Variants in ZFPM1 observed in about 807,000 individuals in gnomAD.
The protein encoded by ZFPM1 is zinc finger protein ZFPM1.
In ZFPM1, 28 loss-of-function variants were observed where a neutral mutation model predicts 46.3. The ratio of observed to expected loss-of-function variants is 0.60; its 90% CI spans 0.45 to 0.83. The LOEUF (loss-of-function observed/expected upper bound fraction) is 0.83. ZFPM1 is among the 40% of genes least tolerant of loss of function. The pLI is 0.00. For synonymous variants in ZFPM1, 957 were observed against 675.9 expected (o/e 1.42, Z -6.45); for missense variants, 1,878 against 1,432.4 (o/e 1.31, Z -5.02).
At chr16:88,478,252 G>A (rs963552082) in intron 1 of ZFPM1, among the ~76,000 whole-genome samples, 7 of 152,220 alleles carry the variant, frequency 4.6e-5, no homozygotes, top group Admixed American at 2.6e-4. Flanking sequence ...GTGCTCCTGC[G>A]CTGGTTAGGG....
At chr16:88,486,187 G>A (rs922771042) in intron 2 of ZFPM1, 144 bp downstream of exon 2, 10 of 881,464 alleles carry the variant, frequency 1.1e-5, no homozygotes, top group Non-Finnish European at 1.7e-5. Flanking sequence ...CCAGCCAGAG[G>A]CCTGTTGCCC....
intron 1 of ZFPM1, among the ~76,000 whole-genome samples, chr16:88,455,132 G>GGGGTGTGTGT (rs1181672760): frequency 7.1e-6 from 1 of 141,674 alleles, no homozygotes; most frequent in African/African-American, 2.7e-5. Context: ...TCGGTTCTGG[G>GGGGTGTGTGT]GTGTGTGTGT....
chr16:88,527,046 C>A, intron 5 of ZFPM1, 130 bp downstream of exon 5: 1 of 1,407,756 alleles, frequency 7.1e-7, no homozygotes, highest in Non-Finnish European at 9.4e-7. Context: ...AGCTGCTGGC[C>A]CCGGGCGCTG....
chr16:88,482,841 A>T, intron 1 of ZFPM1, among the ~76,000 whole-genome samples: 1 of 152,146 alleles, frequency 6.6e-6, no homozygotes, highest in Non-Finnish European at 1.5e-5. Context: ...GGCTGAGCTG[A>T]TCGTTCCGCG....
intron 1 of ZFPM1, among the ~76,000 whole-genome samples, chr16:88,458,399 G>A (rs1907652290): frequency 6.6e-6 from 1 of 152,216 alleles, no homozygotes; most frequent in African/African-American, 2.4e-5. Context: ...ACTGCCGTCA[G>A]CCCCGCCAGC....
chr16:88,453,177 T>G (rs1029983472), upstream of ZFPM1: 2 of 106,766 alleles, frequency 1.9e-5, no homozygotes, highest in South Asian at 2.8e-4. Flanking sequence ...GCCGGAGAGG[T>G]GCAGGGCCCG....
intron 4 of ZFPM1, among the ~76,000 whole-genome samples, chr16:88,523,840 C>A (rs149701254): frequency 2.0e-3 from 307 of 152,332 alleles, no homozygotes; most frequent in African/African-American, 7.1e-3. Flanking sequence ...CCCTCCTTCC[C>A]CCTGCCCCTC....
chr16:88,536,752 C>G lies in ZFPM1; in HGVS notation c.*1773C>G, dbSNP rs1913261710. 1 of 152,308 alleles carries G rather than the reference C, an allele frequency of 6.6e-6. No individual in the cohort carries two copies. Among genetic ancestry groups the G allele is most frequent in the African/African-American group, 2.4e-5 (1 of 41,458 alleles). The allele number at this position is 152,308 out of a possible 1,614,324, so 9.4% of individuals were successfully genotyped here. A position where few individuals can be genotyped will look rare whatever the true frequency, so the allele number is the denominator to read the frequency against. On this transcript the variant is annotated 3_prime_UTR_variant, in exon 10 of 10. Transcript: ENST00000319555. ...ATGGCTTCCACCCCCTCCCAGGGAC[C>G]TGAGCTCCAGGGAAGGCAAGCAGCC...
chr16:88,509,922 C>T (rs937556570), intron 3 of ZFPM1, among the ~76,000 whole-genome samples: 2 of 152,192 alleles, frequency 1.3e-5, no homozygotes, highest in African/African-American at 2.4e-5. Context: ...CTGTTGGCCA[C>T]GTTGTTGAGG....
intron 1 of ZFPM1, among the ~76,000 whole-genome samples, chr16:88,456,416 GT>G (rs1037083738): frequency 1.3e-5 from 2 of 152,150 alleles, no homozygotes; most frequent in African/African-American, 4.8e-5. Flanking sequence ...AATCAAGGTG[GT>G]TTCCATGGCC....
rs750670015 is a variant in ZFPM1 at position 88,516,232 on chromosome 16, T to C, written c.402+1712T>C. 1.0e-5 allele frequency: 4 copies of C among 398,484 alleles called. No homozygotes were observed. In the South Asian group the frequency reaches 3.8e-4, roughly 38 times the overall value. 24.7% of individuals were successfully genotyped at this position (398,484 alleles called of 1,614,324 possible). ...CCGGAGACCCTCGCAAGCTCCTTAA[T>C]GGTAGGGCTGAGGGGCTGGCACCGG... On this transcript the variant is annotated intron_variant, in intron 4 of 9. Transcript: ENST00000319555.
intron 1 of ZFPM1, among the ~76,000 whole-genome samples, chr16:88,470,169 G>A (rs1227118038): frequency 1.3e-5 from 2 of 152,182 alleles, no homozygotes; most frequent in East Asian, 1.9e-4. Context: ...TAGGAGCATC[G>A]CCTGTGGAGA....
chr16:88,532,239 AG>A lies in ZFPM1; in HGVS notation c.946+5del, dbSNP rs1384336876. On this transcript the variant is annotated splice_donor_5th_base_variant and intron_variant, in intron 7 of 9. Transcript: ENST00000319555. ...ATCCACATGCGCAGCCACAGCGGTG[AG>A]CCCCCACCCCGGACGCGGGTCCTCA... 1 of 1,594,146 alleles carries A rather than the reference AG, an allele frequency of 6.3e-7. No individual in the cohort carries two copies. The highest frequency in any genetic ancestry group is 8.6e-7 in the Non-Finnish European group (1 of 1,166,926).
chr16:88,524,271 G>A (rs1305770878), intron 4 of ZFPM1, among the ~76,000 whole-genome samples: 13 of 152,316 alleles, frequency 8.5e-5, no homozygotes, highest in Middle Eastern at 3.4e-3. Context: ...TGGCTCGGGA[G>A]CAGCCGGGAC....
chr16:88,474,382 G>A (rs1368293234), intron 1 of ZFPM1, among the ~76,000 whole-genome samples: 1 of 152,192 alleles, frequency 6.6e-6, no homozygotes, highest in East Asian at 1.9e-4. Context: ...TGCAGCAGCT[G>A]CCCGGCCAGG....
Position 88,469,357 on chromosome 16 carries a change from C to A in ZFPM1, c.40+15679C>A, listed in dbSNP as rs1243422326. 1.3e-5 allele frequency among the ~76,000 whole-genome samples: 2 copies of A among 152,230 alleles called. No homozygotes were observed. Among genetic ancestry groups the A allele is most frequent in the East Asian group, 1.9e-4 (1 of 5,196 alleles). ...GGAAGGCGGTCTAGTAGGTCTGCCT[C>A]CCAGGATGGTTTCTGGGCTCTTCAG... On this transcript the variant is annotated intron_variant, in intron 1 of 9. Coordinates refer to ENST00000319555, the MANE Select transcript of ZFPM1 (RefSeq NM_153813.3). This position sits in a 1 kb window ranked among gnomAD's most constrained non-coding sequence, Gnocchi z 4.3.
intron 1 of ZFPM1, among the ~76,000 whole-genome samples, chr16:88,477,988 C>A (rs1288738807): frequency 6.6e-6 from 1 of 150,600 alleles, no homozygotes; most frequent in Non-Finnish European, 1.5e-5. Context: ...GGAGAACAGA[C>A]CTGGGGGTGG....
rs1908435415 is a variant in ZFPM1, at chr16:88,471,807, C to T, written c.41-14132C>T. ...GTGACTAAGACTAAGGCTGTGTGTC[C>T]ATCTCTGTGAAATCGGGGCGAGGCC... On this transcript the variant is annotated intron_variant, in intron 1 of 9. Transcript: ENST00000319555. This position sits in a 1 kb window ranked among gnomAD's most constrained non-coding sequence, Gnocchi z 4.1. 6.6e-6 allele frequency among the ~76,000 whole-genome samples: 1 copy of T among 152,272 alleles called. No individual in the cohort carries two copies. The highest frequency in any genetic ancestry group is 2.4e-5 in the African/African-American group (1 of 41,470).
rs1287519231 is a variant in ZFPM1, at chr16:88,532,597, C to A, written c.947-17C>A. 9 of 1,553,410 alleles carry A rather than the reference C, an allele frequency of 5.8e-6. No individual in the cohort carries two copies. Among genetic ancestry groups the A allele is most frequent in the South Asian group, 2.4e-5 (2 of 84,568 alleles). ...TAAGCTGGCCCGGGCACCGCTCTTA[C>A]GCGCCCTGTGTTCCAGGAGAGCGGC... On this transcript the variant is annotated splice_polypyrimidine_tract_variant and intron_variant, in intron 7 of 9. Coordinates refer to ENST00000319555, the MANE Select transcript of ZFPM1 (RefSeq NM_153813.3).
Sources: allele counts gnomAD v4.1 joint callset (sites outside exome capture counted in the v4.1 genomes callset), GRCh38; gene constraint gnomAD v4.1.1; non-coding constraint Gnocchi (gnomAD v3.1); transcripts MANE v1.5; gene names NCBI Gene and HGNC (gene_info 2026-07-23, HGNC 2026-07-21).